MTFR1: variants seen among roughly 807,000 people sequenced by gnomAD.
The protein encoded by MTFR1 is chondrocyte protein with a poly-proline region.
In MTFR1, 28 loss-of-function variants were observed where a neutral mutation model predicts 38.8. That is an observed-to-expected ratio of 0.72 (90% confidence interval 0.53 to 0.99). The LOEUF (loss-of-function observed/expected upper bound fraction) is 0.99. Among genes scored for constraint, MTFR1 ranks in the 50% least tolerant of loss-of-function variants. The pLI is 0.00. For synonymous variants in MTFR1, 145 were observed against 137.0 expected (o/e 1.06, Z -0.41); for missense variants, 358 against 395.5 (o/e 0.91, Z 0.81).
chr8:65,713,439 AACACACACACACACACACACAC>A (rs144454204), downstream of MTFR1, among the ~76,000 whole-genome samples: 7 of 137,554 alleles, frequency 5.1e-5, no homozygotes, highest in East Asian at 2.4e-4. Flanking sequence ...TCCCATCTCA[AACACACACACACACACACACAC>A]ACACACACAC....
intron 2 of MTFR1, among the ~76,000 whole-genome samples, chr8:65,673,797 T>G (rs546853759): frequency 7.7e-4 from 117 of 152,008 alleles, no homozygotes; most frequent in African/African-American, 2.4e-3. Flanking sequence ...TCCCAGCTAC[T>G]CAGGAGGCTG....
At chr8:65,707,281 T>C (rs767530615) in intron 6 of MTFR1, 25 bp downstream of exon 6, 5 of 1,598,472 alleles carry the variant, frequency 3.1e-6, no homozygotes, top group South Asian at 1.1e-5. Flanking sequence ...ACCTTCTTTC[T>C]TCCCCATTTG....
chr8:65,757,487 G>T (rs759841577), intron 3 of MTFR1, among the ~76,000 whole-genome samples: 6 of 152,128 alleles, frequency 3.9e-5, no homozygotes, highest in Non-Finnish European at 8.8e-5. Context: ...GGTTTTTTTA[G>T]ATCTTGTCAG....
chr8:65,724,153 C>T, intron 3 of MTFR1: 1 of 668,466 alleles, frequency 1.5e-6, no homozygotes, highest in Non-Finnish European at 2.6e-6. Flanking sequence ...AATGTCAAGA[C>T]TCTACTGCTA....
At chr8:65,729,345 T>C (rs983494891) in intron 3 of MTFR1, among the ~76,000 whole-genome samples, 1 of 146,718 alleles carries the variant, frequency 6.8e-6, no homozygotes, top group African/African-American at 2.5e-5. Context: ...GTTATCACAG[T>C]GAGTTTCGTT....
At chr8:65,672,144 C>A (rs1477560357) in intron 2 of MTFR1, among the ~76,000 whole-genome samples, 4 of 152,190 alleles carry the variant, frequency 2.6e-5, no homozygotes, top group Non-Finnish European at 5.9e-5. Flanking sequence ...AACTGAGAGT[C>A]CTTCCTACTA....
intron 3 of MTFR1, among the ~76,000 whole-genome samples, chr8:65,769,315 G>C (rs1391170018): frequency 6.7e-6 from 1 of 149,182 alleles, no homozygotes; most frequent in African/African-American, 2.5e-5. Context: ...TGTTATGAAA[G>C]TCTGCATGAT....
chr8:65,702,793 T>G (rs190147733), intron 4 of MTFR1, among the ~76,000 whole-genome samples: 16 of 151,530 alleles, frequency 1.1e-4, no homozygotes, highest in Admixed American at 1.1e-3. Flanking sequence ...AGGTGTATTA[T>G]ATTTAACTTA....
chr8:65,705,060 G>T (rs533612839), intron 5 of MTFR1, 131 bp downstream of exon 5: 45 of 780,036 alleles, frequency 5.8e-5, no homozygotes, highest in East Asian at 2.9e-4. Flanking sequence ...GTACGGTGGC[G>T]CATGCCTGTA....
At chr8:65,704,513 G>T (rs1805719134) in intron 4 of MTFR1, among the ~76,000 whole-genome samples, 181 bp from the exon 5 acceptor site, 1 of 152,186 alleles carries the variant, frequency 6.6e-6, no homozygotes, top group Non-Finnish European at 1.5e-5. Flanking sequence ...CCCAGCTGTG[G>T]TATGTAACTA....
intron 5 of MTFR1, among the ~76,000 whole-genome samples, chr8:65,706,548 C>G (rs1292903103): frequency 6.6e-6 from 1 of 152,240 alleles, no homozygotes; most frequent in East Asian, 1.9e-4. Flanking sequence ...AGCCACTGAG[C>G]CCAGCCCAGT....
chr8:65,714,703 C>T (rs1254787084), downstream of MTFR1: 1 of 152,250 alleles, frequency 6.6e-6, no homozygotes, highest in African/African-American at 2.4e-5. Context: ...AACATTTATA[C>T]ATTAAAATAT....
chr8:65,754,615 C>T (rs1000225923), intron 3 of MTFR1, among the ~76,000 whole-genome samples: 24 of 150,014 alleles, frequency 1.6e-4, no homozygotes, highest in Middle Eastern at 3.2e-3. Flanking sequence ...GGATTACAGG[C>T]TGAGCCACCA....
At chr8:65,705,100 C>T (rs1563457800) in intron 5 of MTFR1, among the ~76,000 whole-genome samples, 171 bp downstream of exon 5, 1 of 152,038 alleles carries the variant, frequency 6.6e-6, no homozygotes, top group Admixed American at 6.5e-5. Flanking sequence ...CTGAGGCAGG[C>T]AGATCACGAG....
At chr8:65,727,114 T>G (rs1806643295) in intron 3 of MTFR1, 1 of 1,172,012 alleles carries the variant, frequency 8.5e-7, no homozygotes, top group African/African-American at 1.5e-5. Flanking sequence ...CTTCAAAATA[T>G]GAAAGATTTT....
chr8:65,699,599 C>T (rs1231855265), intron 4 of MTFR1, among the ~76,000 whole-genome samples: 2 of 152,174 alleles, frequency 1.3e-5, no homozygotes, highest in Non-Finnish European at 2.9e-5. Flanking sequence ...CAATCCACCT[C>T]CTTCAAAGTG....
chr8:65,714,014 TAG>T (rs1806034298), downstream of MTFR1, among the ~76,000 whole-genome samples: 1 of 151,892 alleles, frequency 6.6e-6, no homozygotes, highest in Non-Finnish European at 1.5e-5. Flanking sequence ...CAAGAATTAC[TAG>T]ATATGGTGTC....
At chr8:65,740,469 T>C (rs1476244442) in intron 3 of MTFR1, among the ~76,000 whole-genome samples, 6 of 152,182 alleles carry the variant, frequency 3.9e-5, no homozygotes, top group South Asian at 4.1e-4. Flanking sequence ...GGTGCGATCT[T>C]GGCTCACTGC....
chr8:65,738,579 G>A (rs561922805), intron 3 of MTFR1, among the ~76,000 whole-genome samples: 45 of 152,244 alleles, frequency 3.0e-4, no homozygotes, highest in African/African-American at 7.7e-4. Flanking sequence ...ACAGGCGTGC[G>A]CCACCATGCC....
Sources: gnomAD v4.1 joint callset for allele counts (sites outside exome capture counted in the v4.1 genomes callset) on GRCh38, gnomAD v4.1.1 for gene constraint, MANE v1.5 for transcripts, NCBI Gene and HGNC (gene_info 2026-07-23, HGNC 2026-07-21) for gene names.